ST6GALNAC3: variants seen among roughly 807,000 people sequenced by gnomAD.
ST6GALNAC3 encodes ST6 N-acetylgalactosaminide alpha-2,6-sialyltransferase 3.
In ST6GALNAC3, 25 loss-of-function variants were observed where a neutral mutation model predicts 32.7. The ratio of observed to expected loss-of-function variants is 0.76; its 90% CI spans 0.56 to 1.07. ST6GALNAC3 has a LOEUF of 1.07. Among genes scored for constraint, ST6GALNAC3 ranks in the 50% least tolerant of loss-of-function variants. The pLI, the probability that ST6GALNAC3 is intolerant of heterozygous loss-of-function variation, is 0.00. For synonymous variants in ST6GALNAC3, 129 were observed against 133.1 expected, an observed-to-expected ratio of 0.97 and a Z score of 0.21; for missense variants, 355 against 382.4, an observed-to-expected ratio of 0.93 and a Z score of 0.60.
In ST6GALNAC3 at chr1:76,629,003, T is replaced by C; in HGVS notation, c.*197T>C. The C allele has an allele frequency of 7.2e-7, 1 of 1,386,832 alleles. No homozygotes were observed. The highest frequency in any genetic ancestry group is 2.8e-5 in the East Asian group (1 of 36,100). The allele number at this position is 1,386,832 out of a possible 1,614,324, so 85.9% of individuals were successfully genotyped here. On this transcript the variant is annotated 3_prime_UTR_variant, in exon 5 of 5. Coordinates refer to ENST00000328299, the MANE Select transcript of ST6GALNAC3 (RefSeq NM_152996.4). ...ATTTCATGGAGGATGGTTGTGCTCATGATGTTCTTTCTGGAGGTTCAACAC... is the reference window on the plus strand; with the variant it reads ...ATTTCATGGAGGATGGTTGTGCTCACGATGTTCTTTCTGGAGGTTCAACAC...
chr1:76,461,235 C>G (rs2101596128), intron 3 of ST6GALNAC3, among the ~76,000 whole-genome samples: 1 of 152,232 alleles, frequency 6.6e-6, no homozygotes, highest in South Asian at 2.1e-4. Context: ...TCTAACTATG[C>G]AAAACACATA....
intron 2 of ST6GALNAC3, among the ~76,000 whole-genome samples, chr1:76,363,469 G>A (rs12035993): frequency 0.19 from 29,227 of 152,034 alleles, 3,411 homozygotes; most frequent in East Asian, 0.6. Flanking sequence ...CAAGTCTATC[G>A]GAAGTTCCAA....
chr1:76,117,257 C>T (rs1263103402), intron 1 of ST6GALNAC3, among the ~76,000 whole-genome samples: 4 of 152,198 alleles, frequency 2.6e-5, no homozygotes, highest in African/African-American at 9.7e-5. Context: ...CAATTATCCT[C>T]TAGTTTAGTT....
At chr1:76,426,716 T>C (rs2101414858) in intron 3 of ST6GALNAC3, among the ~76,000 whole-genome samples, 1 of 152,136 alleles carries the variant, frequency 6.6e-6, no homozygotes, top group East Asian at 1.9e-4. Context: ...GTATGTGTTA[T>C]ACTTTTATAT....
chr1:76,395,614 CA>C (rs150631474), intron 2 of ST6GALNAC3, among the ~76,000 whole-genome samples: 9,970 of 152,132 alleles, frequency 0.066, 416 homozygotes, highest in Middle Eastern at 0.12. Flanking sequence ...CACACACACG[CA>C]CACACAGAGG....
Position 76,081,842 on chromosome 1 carries a change from A to G in ST6GALNAC3, c.18+6958A>G, listed in dbSNP as rs111334442. Among the ~76,000 whole-genome samples, 306 of 152,316 alleles carry G rather than the reference A, an allele frequency of 2.0e-3. 2 individuals are homozygous for G. The highest frequency in any genetic ancestry group is 5.0e-3 in the Admixed American group (76 of 15,298). On this transcript the variant is annotated intron_variant, in intron 1 of 4. Transcript: ENST00000328299. ...TATCAAGGAATCCCACAAATCGTATACATTTCAGGCTCCCCAACATAGATC... is the reference window on the plus strand; with the variant it reads ...TATCAAGGAATCCCACAAATCGTATGCATTTCAGGCTCCCCAACATAGATC...
intron 1 of ST6GALNAC3, among the ~76,000 whole-genome samples, chr1:76,292,003 C>G (rs927674753): frequency 1.3e-5 from 2 of 152,178 alleles, no homozygotes; most frequent in African/African-American, 4.8e-5. Context: ...TTGAATAAGC[C>G]GTGTTACTGG....
intron 1 of ST6GALNAC3, among the ~76,000 whole-genome samples, chr1:76,160,589 A>C (rs1651744138): frequency 6.6e-6 from 1 of 152,158 alleles, no homozygotes; most frequent in Non-Finnish European, 1.5e-5. Context: ...CTTACTCTCT[A>C]ACGGTGTTCT....
intron 3 of ST6GALNAC3, among the ~76,000 whole-genome samples, chr1:76,453,254 AT>A (rs200973200): frequency 6.7e-6 from 1 of 150,286 alleles, no homozygotes; most frequent in Non-Finnish European, 1.5e-5. Flanking sequence ...TATCTTTTGT[AT>A]TTTTTTTGTT....
At chr1:76,236,078 C>T (rs1024629222) in intron 1 of ST6GALNAC3, among the ~76,000 whole-genome samples, 4 of 151,722 alleles carry the variant, frequency 2.6e-5, no homozygotes, top group Non-Finnish European at 5.9e-5. Context: ...CAGGCTGAAG[C>T]GACTCTCTTG....
rs1168423947 is a variant in ST6GALNAC3, at chr1:76,633,698, A to G, written c.*4892A>G. Reference sequence around the variant, plus strand: ...AACACCACCCTTTGGGTTCATGCTCATCCCTGCACTCCATGTGACCTTTGA... The same window carrying G: ...AACACCACCCTTTGGGTTCATGCTCGTCCCTGCACTCCATGTGACCTTTGA... On this transcript the variant is annotated 3_prime_UTR_variant, in exon 5 of 5. Coordinates refer to ENST00000328299, the MANE Select transcript of ST6GALNAC3 (RefSeq NM_152996.4). The G allele has an allele frequency of 2.0e-5, 3 of 152,210 alleles. No individual in the cohort carries two copies. The allele number at this position is 152,210 out of a possible 1,614,324, so 9.4% of individuals were successfully genotyped here.
At chr1:76,105,979 G>A (rs374255886) in intron 1 of ST6GALNAC3, among the ~76,000 whole-genome samples, 5 of 152,096 alleles carry the variant, frequency 3.3e-5, no homozygotes, top group South Asian at 2.1e-4. Flanking sequence ...CTTTGGAGTC[G>A]TACCAAACTG....
intron 1 of ST6GALNAC3, among the ~76,000 whole-genome samples, chr1:76,306,099 G>A (rs1661036231): frequency 6.6e-6 from 1 of 152,084 alleles, no homozygotes; most frequent in African/African-American, 2.4e-5. Context: ...CTGGTGTGAA[G>A]CATGATAATT....
At chr1:76,427,715 A>AC (rs147477044) in intron 3 of ST6GALNAC3, among the ~76,000 whole-genome samples, 8,227 of 152,130 alleles carry the variant, frequency 0.054, 716 homozygotes, top group African/African-American at 0.18. Flanking sequence ...CAAAATTTTT[A>AC]AGTGCACATT....
chr1:76,538,689 T>C (rs1663788059), intron 3 of ST6GALNAC3, among the ~76,000 whole-genome samples: 1 of 152,154 alleles, frequency 6.6e-6, no homozygotes, highest in Admixed American at 6.6e-5. Context: ...ACAGAATCAA[T>C]GTGCAAAAAT....
intron 1 of ST6GALNAC3, among the ~76,000 whole-genome samples, chr1:76,104,204 G>A (rs1647366744): frequency 6.6e-6 from 1 of 152,088 alleles, no homozygotes; most frequent in African/African-American, 2.4e-5. Flanking sequence ...TTTTAATTGT[G>A]TGTGAGACAG....
chr1:76,528,263 A>G (rs1479377371), intron 3 of ST6GALNAC3, among the ~76,000 whole-genome samples: 1 of 152,142 alleles, frequency 6.6e-6, no homozygotes, highest in Non-Finnish European at 1.5e-5. Flanking sequence ...TATTTTGTGT[A>G]ATCCTGTAAC....
At chr1:76,436,048 C>T (rs1656121633) in intron 3 of ST6GALNAC3, among the ~76,000 whole-genome samples, 1 of 151,936 alleles carries the variant, frequency 6.6e-6, no homozygotes, top group Non-Finnish European at 1.5e-5. Flanking sequence ...AGTTGCTTCA[C>T]CCTTTTCTAA....
chr1:76,487,274 C>T (rs1439933671), intron 3 of ST6GALNAC3, among the ~76,000 whole-genome samples: 1 of 152,112 alleles, frequency 6.6e-6, no homozygotes, highest in Non-Finnish European at 1.5e-5. Flanking sequence ...TGTTGGCCTG[C>T]CTCGCTAGGT....
Sources: allele counts gnomAD v4.1 joint callset (sites outside exome capture counted in the v4.1 genomes callset), GRCh38; gene constraint gnomAD v4.1.1; transcripts MANE v1.5; gene names NCBI Gene and HGNC (gene_info 2026-07-23, HGNC 2026-07-21).